The following DPH6 variants were observed in gnomAD, a reference collection of about 807,000 sequenced individuals.
DPH6 encodes diphthamine biosynthesis 6.
Under a neutral mutation model 38.2 loss-of-function variants are expected in DPH6, and 33 were observed. The observed-to-expected ratio is 0.86, with a 90% CI of 0.65 to 1.15. The LOEUF is 1.15. Ranked by LOEUF, DPH6 falls within the 50% of genes most tolerant of loss-of-function variation. The pLI is 0.00. For synonymous variants in DPH6, 108 were observed against 103.0 expected (o/e 1.05, Z -0.30); for missense variants, 325 against 320.0 (o/e 1.02, Z -0.12).
At chr15:35,370,627 CAAT>C (rs1052518315), downstream of DPH6, among the ~76,000 whole-genome samples, 18 of 151,772 alleles carry the variant, frequency 1.2e-4, 1 homozygote, top group African/African-American at 1.7e-4. Flanking sequence ...ACTAAAACAA[CAAT>C]GAGAGAACAC....
intron 3 of DPH6, among the ~76,000 whole-genome samples, chr15:35,317,271 AAGAAAG>A (rs1440690518): frequency 8.5e-4 from 117 of 137,906 alleles, no homozygotes; most frequent in African/African-American, 2.9e-3. Flanking sequence ...AAAAGAAAGA[AAGAAAG>A]AGAGAGAGAG....
intron 3 of DPH6, among the ~76,000 whole-genome samples, chr15:35,283,160 T>TC (rs967290940): frequency 7.0e-6 from 1 of 142,820 alleles, no homozygotes; most frequent in African/African-American, 2.6e-5. Flanking sequence ...CTCTTTTCCC[T>TC]CCCCCTCCCC....
intron 3 of DPH6, among the ~76,000 whole-genome samples, chr15:35,305,937 A>G (rs1410167022): frequency 6.6e-6 from 1 of 152,146 alleles, no homozygotes; most frequent in Admixed American, 6.5e-5. Flanking sequence ...ACATCTGTGC[A>G]CTTTGGATCA....
At chr15:35,467,527 C>T (rs151261123) in intron 3 of DPH6, among the ~76,000 whole-genome samples, 15 of 152,264 alleles carry the variant, frequency 9.9e-5, no homozygotes, top group Admixed American at 2.0e-4. Flanking sequence ...GATCGCACCA[C>T]GGCACTCCAG....
intron 6 of DPH6, among the ~76,000 whole-genome samples, chr15:35,405,685 C>A (rs2053282733): frequency 6.6e-6 from 1 of 151,958 alleles, no homozygotes; most frequent in Non-Finnish European, 1.5e-5. Flanking sequence ...TTTGGATGCT[C>A]TATATCTTTC....
intron 5 of DPH6, among the ~76,000 whole-genome samples, chr15:35,431,060 T>C (rs1006303175): frequency 2.6e-5 from 4 of 152,094 alleles, no homozygotes; most frequent in African/African-American, 9.7e-5. Flanking sequence ...AAACTCTCAA[T>C]AATTTTTAAA....
At chr15:35,237,865 C>A in intron 3 of DPH6, 1 of 1,500,336 alleles carries the variant, frequency 6.7e-7, no homozygotes, top group Non-Finnish European at 9.3e-7. Context: ...AGGAGTATGA[C>A]GAAGATGCTC....
chr15:35,523,445 T>C (rs570094045), intron 3 of DPH6, among the ~76,000 whole-genome samples: 8 of 151,954 alleles, frequency 5.3e-5, no homozygotes, highest in Non-Finnish European at 1.2e-4. Context: ...TAAAAGATCC[T>C]ATTAAGGTTG....
chr15:35,431,221 T>C lies in DPH6; in HGVS notation c.505+19464A>G, dbSNP rs142807128. On this transcript the variant is annotated intron_variant, in intron 5 of 8. Coordinates refer to ENST00000256538, the MANE Select transcript of DPH6 (RefSeq NM_080650.4). ...TTCACTTGTTCACATACGTCAAAAGTCATTCATAATTACCCCTATACCTAT... is the reference window on the plus strand; with the variant it reads ...TTCACTTGTTCACATACGTCAAAAGCCATTCATAATTACCCCTATACCTAT... Among the ~76,000 whole-genome samples the C allele has an allele frequency of 2.4e-4, 37 of 152,296 alleles. No homozygotes were observed. In the East Asian group the frequency reaches 6.7e-3, roughly 28 times the overall value.
chr15:35,536,686 T>C (rs962877303), intron 3 of DPH6, among the ~76,000 whole-genome samples: 2 of 152,126 alleles, frequency 1.3e-5, no homozygotes, highest in Non-Finnish European at 2.9e-5. Flanking sequence ...CCAATTACTT[T>C]AGTGTGAGTC....
At chr15:35,310,706 CTACCTTCTGATTACTAATAG>C (rs1451262503) in intron 3 of DPH6, among the ~76,000 whole-genome samples, 75 of 152,158 alleles carry the variant, frequency 4.9e-4, no homozygotes, top group African/African-American at 1.7e-3. Context: ...ATTACTAATA[CTACCTTCTGATTACTAATAG>C]TACCTTCTTT....
chr15:35,272,949 C>T (rs1307885900), intron 3 of DPH6, among the ~76,000 whole-genome samples: 2 of 151,530 alleles, frequency 1.3e-5, no homozygotes, highest in African/African-American at 2.4e-5. Flanking sequence ...ACCCCACCCT[C>T]ATGGCTCCCT....
chr15:35,447,949 A>G (rs961039191), intron 5 of DPH6, among the ~76,000 whole-genome samples: 1 of 152,218 alleles, frequency 6.6e-6, no homozygotes, highest in Admixed American at 6.5e-5. Flanking sequence ...CTACACCATC[A>G]TTTAACTGAA....
chr15:35,368,401 C>T (rs546632004), downstream of DPH6, among the ~76,000 whole-genome samples: 11 of 151,934 alleles, frequency 7.2e-5, no homozygotes, highest in South Asian at 2.3e-3. Flanking sequence ...GATAGCCTTC[C>T]ATTCATGGCT....
intron 3 of DPH6, among the ~76,000 whole-genome samples, chr15:35,488,281 T>A (rs1257209010): frequency 6.6e-6 from 1 of 152,196 alleles, no homozygotes; most frequent in Non-Finnish European, 1.5e-5. Context: ...ACTTCCACAT[T>A]TTCAGTTATC....
At chr15:35,352,141 T>A (rs1305802643) in intron 3 of DPH6, among the ~76,000 whole-genome samples, 1 of 152,244 alleles carries the variant, frequency 6.6e-6, no homozygotes, top group Non-Finnish European at 1.5e-5. Context: ...ATTACAGTAT[T>A]ACAATTTTCT....
At chr15:35,173,489 CCTT>C in the DPH6 span, among the ~76,000 whole-genome samples, 5 of 152,062 alleles carry the variant, frequency 3.3e-5, no homozygotes, top group African/African-American at 1.2e-4. Context: ...TCAACTCCAA[CCTT>C]CTTCTTCAAT....
chr15:35,169,648 G>A, the DPH6 span: 1 of 152,114 alleles, frequency 6.6e-6, no homozygotes, highest in Non-Finnish European at 1.5e-5. Flanking sequence ...AAGGAGGCAG[G>A]TGACTGATCT....
the DPH6 span, among the ~76,000 whole-genome samples, chr15:35,199,701 T>C: frequency 6.6e-6 from 1 of 151,262 alleles, no homozygotes; most frequent in Non-Finnish European, 1.5e-5. Context: ...AGATTGCTTA[T>C]GTCAGAAAAA....
Sources: gnomAD v4.1 joint callset for allele counts (sites outside exome capture counted in the v4.1 genomes callset) on GRCh38, gnomAD v4.1.1 for gene constraint, MANE v1.5 for transcripts, NCBI Gene and HGNC (gene_info 2026-07-23, HGNC 2026-07-21) for gene names.